Variants in PCDH15 observed in about 807,000 individuals in gnomAD.
The protein encoded by PCDH15 is protocadherin-15.
A neutral mutation model predicts 178.5 loss-of-function variants in PCDH15; 129 were observed. That is an observed-to-expected ratio of 0.72 (90% CI 0.63 to 0.84). PCDH15 has a LOEUF of 0.84. Ranked by LOEUF, PCDH15 falls within the 40% of genes least tolerant of loss-of-function variation. PCDH15 has a pLI of 0.00. For synonymous variants in PCDH15, 800 were observed against 732.0 expected (o/e 1.09, Z -1.50); for missense variants, 2,230 against 2,099.9 (o/e 1.06, Z -1.21).
At chr10:53,958,738 T>G (rs2087894089) in intron 23 of PCDH15, among the ~76,000 whole-genome samples, 1 of 152,042 alleles carries the variant, frequency 6.6e-6, no homozygotes, top group Non-Finnish European at 1.5e-5. Flanking sequence ...CCCAGCACTT[T>G]GGGAGGCTGA....
chr10:55,621,428 GACCAGTT>G (rs1033618721), intron 2 of PCDH15, among the ~76,000 whole-genome samples: 2 of 152,192 alleles, frequency 1.3e-5, no homozygotes, highest in Non-Finnish European at 2.9e-5. Context: ...AGGGGCTGCA[GACCAGTT>G]ACCTGTTCAT....
At chr10:54,488,917 C>G (rs944795013) in intron 3 of PCDH15, among the ~76,000 whole-genome samples, 2 of 151,924 alleles carry the variant, frequency 1.3e-5, no homozygotes, top group Non-Finnish European at 2.9e-5. Context: ...CATAAAGAAG[C>G]TTGTGAATCT....
At chr10:53,837,666 A>C (rs2077385100) in intron 29 of PCDH15, among the ~76,000 whole-genome samples, 2 of 152,078 alleles carry the variant, frequency 1.3e-5, no homozygotes, top group Non-Finnish European at 2.9e-5. Flanking sequence ...ACATTTATGC[A>C]GTGTTAAAAA....
chr10:54,079,264 AT>A (rs2094396817), intron 17 of PCDH15, 66 bp downstream of exon 17: 2 of 1,390,724 alleles, frequency 1.4e-6, no homozygotes, highest in Non-Finnish European at 2.0e-6. Context: ...TCTGTGATAC[AT>A]TGTTTAAGAC....
intron 6 of PCDH15, among the ~76,000 whole-genome samples, chr10:54,344,912 A>C (rs1942964351): frequency 6.9e-6 from 1 of 145,284 alleles, no homozygotes; most frequent in Non-Finnish European, 1.5e-5. Flanking sequence ...AGCAAAAAAA[A>C]AAAAAAAAAA....
chr10:55,575,525 C>T (rs1014334545), intron 2 of PCDH15: 12 of 152,198 alleles, frequency 7.9e-5, no homozygotes, highest in Admixed American at 7.9e-4. Flanking sequence ...TTAGAGAAAA[C>T]TTATGTCCTT....
intron 1 of PCDH15, among the ~76,000 whole-genome samples, chr10:54,684,762 T>C (rs945490848): frequency 6.6e-6 from 1 of 151,934 alleles, no homozygotes; most frequent in Non-Finnish European, 1.5e-5. Flanking sequence ...ACAGCAACAA[T>C]CATTTCCAGC....
intron 3 of PCDH15, among the ~76,000 whole-genome samples, chr10:54,521,297 C>T (rs1397457926): frequency 2.0e-5 from 3 of 152,046 alleles, no homozygotes; most frequent in African/African-American, 7.2e-5. Context: ...AATAAGATCC[C>T]TCATATCTCT....
chr10:55,262,980 A>T (rs1243623661), intron 1 of PCDH15, among the ~76,000 whole-genome samples: 1 of 152,082 alleles, frequency 6.6e-6, no homozygotes, highest in South Asian at 2.1e-4. Context: ...GCCCATCTGC[A>T]TGCTCCCCTA....
intron 15 of PCDH15, among the ~76,000 whole-genome samples, chr10:54,132,025 TCCCCTA>T (rs750041940): frequency 1.5e-4 from 23 of 152,112 alleles, no homozygotes; most frequent in Non-Finnish European, 2.5e-4. Flanking sequence ...TGTTAAAATC[TCCCCTA>T]GGCTTTAAGG....
At chr10:54,512,520 C>A (rs762100947) in intron 3 of PCDH15, among the ~76,000 whole-genome samples, 4 of 151,888 alleles carry the variant, frequency 2.6e-5, no homozygotes, top group African/African-American at 4.8e-5. Context: ...AAAGGGTTAT[C>A]AAAATTTAGT....
At chr10:54,137,850 G>T (rs1400814731) in intron 14 of PCDH15, among the ~76,000 whole-genome samples, 1 of 152,298 alleles carries the variant, frequency 6.6e-6, no homozygotes, top group Non-Finnish European at 1.5e-5. Context: ...TCCTGTGACA[G>T]ATTTTCGTTA....
In PCDH15 at chr10:54,012,323, G is replaced by A. The variant is rs114333234; in HGVS notation, c.2751+7869C>T. 6.9e-3 allele frequency among the ~76,000 whole-genome samples: 1,050 copies of A among 152,222 alleles called. 14 individuals are homozygous for A. Among genetic ancestry groups the A allele is most frequent in the African/African-American group, 0.023 (975 of 41,562 alleles). ...GAGACCAGATCTACCCCTCATTGGC[G>A]TCACTGAGGGAAATGGGGAAAAAGC... On this transcript the variant is annotated intron_variant, in intron 20 of 37. Transcript: ENST00000644397.
At chr10:55,226,605 C>T (rs937479372) in intron 1 of PCDH15, among the ~76,000 whole-genome samples, 3 of 152,088 alleles carry the variant, frequency 2.0e-5, no homozygotes, top group Non-Finnish European at 2.9e-5. Context: ...TGGTCTCGAA[C>T]TCCTGACCTC....
intron 11 of PCDH15, chr10:54,189,335 C>T (rs1219847334): frequency 1.3e-6 from 2 of 1,559,956 alleles, no homozygotes; most frequent in African/African-American, 1.4e-5. Flanking sequence ...AACAAAAGAA[C>T]AATCACAAGC....
intron 1 of PCDH15, among the ~76,000 whole-genome samples, chr10:55,240,590 TAA>T (rs1163238458): frequency 6.6e-6 from 1 of 152,162 alleles, no homozygotes; most frequent in East Asian, 1.9e-4. Context: ...AGATGTAAAA[TAA>T]ATAGTTTTGA....
At chr10:54,458,384 TTA>T (rs2076958800) in intron 3 of PCDH15, among the ~76,000 whole-genome samples, 2 of 152,206 alleles carry the variant, frequency 1.3e-5, no homozygotes, top group Non-Finnish European at 2.9e-5. Context: ...AATATCTGGC[TTA>T]ATATATAAAG....
chr10:55,321,661 G>T (rs766499215), upstream of PCDH15, among the ~76,000 whole-genome samples: 9 of 152,182 alleles, frequency 5.9e-5, no homozygotes, highest in Non-Finnish European at 1.0e-4. Context: ...AGACCTTTCA[G>T]TGGAAACCCT....
intron 13 of PCDH15, among the ~76,000 whole-genome samples, chr10:54,162,937 T>G (rs892708693): frequency 6.6e-6 from 1 of 152,160 alleles, no homozygotes; most frequent in Admixed American, 6.5e-5. Flanking sequence ...TTTTCTTTTT[T>G]GCCTCACCAG....
Sources: allele counts gnomAD v4.1 joint callset (sites outside exome capture counted in the v4.1 genomes callset), GRCh38; gene constraint gnomAD v4.1.1; transcripts MANE v1.5; gene names NCBI Gene and HGNC (gene_info 2026-07-23, HGNC 2026-07-21).